The following PARP1 variants were observed in gnomAD, a reference collection of about 807,000 sequenced individuals.
The protein encoded by PARP1 is poly [ADP-ribose] polymerase 1.
PARP1 carries 44 observed loss-of-function variants against 118.7 expected under a neutral mutation model. The observed-to-expected ratio is 0.37, with a 90% confidence interval of 0.29 to 0.48. The LOEUF is 0.48. PARP1 is among the 20% of genes least tolerant of loss of function. PARP1 has a pLI of 0.99. For synonymous variants in PARP1, 492 were observed against 483.2 expected, an observed-to-expected ratio of 1.02 and a Z score of -0.24; for missense variants, 1,100 against 1,272.4, an observed-to-expected ratio of 0.86 and a Z score of 2.06.
chr1:226,395,628 G>A (rs550161118), intron 2 of PARP1, among the ~76,000 whole-genome samples: 1 of 152,268 alleles, frequency 6.6e-6, no homozygotes, highest in East Asian at 1.9e-4. Flanking sequence ...CTGGGCAAGA[G>A]TGAGACTCTG....
chr1:226,393,635 T>A (rs577817023), intron 2 of PARP1, among the ~76,000 whole-genome samples: 10 of 152,342 alleles, frequency 6.6e-5, no homozygotes, highest in African/African-American at 2.4e-4. Flanking sequence ...CTTTTCTTCC[T>A]GAAATTCTAA....
At chr1:226,376,373 C>T (rs76280513) in intron 13 of PARP1, among the ~76,000 whole-genome samples, 1,771 of 152,210 alleles carry the variant, frequency 0.012, 20 homozygotes, top group Non-Finnish European at 0.016. Flanking sequence ...TGTAAGGAGA[C>T]GCCCAAAACT....
Position 226,365,997 on chromosome 1 carries a change from G to C in PARP1, c.2462C>G (p.Thr821Ser). 1 of 1,613,438 alleles carries C rather than the reference G, an allele frequency of 6.2e-7. No homozygotes were observed. The highest frequency in any genetic ancestry group is 1.1e-5 in the South Asian group (1 of 91,072). Residue 821 changes from threonine (T) to serine (S), a missense_variant, in exon 18 of 23, where the codon ACT (threonine) becomes AGT (serine). Coordinates refer to ENST00000366794, the MANE Select transcript of PARP1 (RefSeq NM_001618.4). ...ATACGCATTGTGTGTGGTTGCATGA[G>C]TGTTCTTAACATACTTCCTGATGAT... The part of the protein sequence containing the change: ...AEIIRKYVKN[T>S]HATTHNAYDL...
Position 226,407,887 on chromosome 1 carries a change from T to C in PARP1, c.43A>G (p.Lys15Glu). ...SDKLYRVEYAKSGRASCKKCS... is the reference protein window; with the variant it reads ...SDKLYRVEYAESGRASCKKCS... Reference sequence around the variant, plus strand: ...TTCTTGCAAGAGGCGCGCCCGCTCTTGGCGTACTCGACTCGATAGAGCTTA... The same window carrying C: ...TTCTTGCAAGAGGCGCGCCCGCTCTCGGCGTACTCGACTCGATAGAGCTTA... The change falls in exon 1 of 23, where the codon AAG becomes GAG. Residue 15 changes from lysine (K) to glutamate (E), a missense_variant. Physicochemically the swap from Lys to Glu is moderately conservative, Grantham distance 56 (BLOSUM62 1). This residue lies in a region of PARP1 where 948 missense variants were observed against 1,031.8 expected (regional missense o/e 0.92). Coordinates refer to ENST00000366794, the MANE Select transcript of PARP1 (RefSeq NM_001618.4). 1 of 1,611,980 alleles carries C rather than the reference T, an allele frequency of 6.2e-7. No individual in the cohort carries two copies. Among genetic ancestry groups the C allele is most frequent in the South Asian group, 1.1e-5 (1 of 90,940 alleles).
chr1:226,368,084 G>A, intron 16 of PARP1, 115 bp downstream of exon 16: 1 of 1,411,146 alleles, frequency 7.1e-7, no homozygotes, highest in East Asian at 2.3e-5. Flanking sequence ...AGGGCAAGAG[G>A]GTGGCCCTCC....
intron 13 of PARP1, among the ~76,000 whole-genome samples, chr1:226,376,337 A>G (rs1664486901): frequency 6.6e-6 from 1 of 152,270 alleles, no homozygotes; most frequent in Admixed American, 6.5e-5. Context: ...CAACCAATAG[A>G]CAAATGAATG....
At chr1:226,368,053 T>G (rs1664305868) in intron 16 of PARP1, 146 bp downstream of exon 16, 1 of 1,129,692 alleles carries the variant, frequency 8.9e-7, no homozygotes, top group Non-Finnish European at 1.3e-6. Flanking sequence ...TCAATGTGGG[T>G]AGAAACCCAA....
In PARP1 at chr1:226,379,986, C is replaced by T. The variant is rs1321759787; in HGVS notation, c.1479G>A (p.Val493=). The T allele has an allele frequency of 1.1e-5, 18 of 1,614,202 alleles. No homozygotes were observed. Among genetic ancestry groups the T allele is most frequent in the Non-Finnish European group, 1.5e-5 (18 of 1,180,032 alleles). ...AEVKAEPVEV[V]APRGKSGAAL... ...CAGCCCCTGACTTCCCTCTTGGGGC[C>T]ACAACTTCAACAGGCTCTGCCTTCA... Residue 493 remains valine, a synonymous_variant, in exon 10 of 23, where the codon GTG becomes GTA. Coordinates refer to ENST00000366794, the MANE Select transcript of PARP1 (RefSeq NM_001618.4).
chr1:226,406,708 A>G (rs1665155035), intron 1 of PARP1, among the ~76,000 whole-genome samples: 1 of 152,194 alleles, frequency 6.6e-6, no homozygotes, highest in Non-Finnish European at 1.5e-5. Context: ...ATGCCTACCA[A>G]ATAAGCACTG....
At chr1:226,374,141 A>T in intron 14 of PARP1, 85 bp downstream of exon 14, 2 of 1,500,170 alleles carry the variant, frequency 1.3e-6, no homozygotes, top group Non-Finnish European at 1.9e-6. Flanking sequence ...AAACAGAAAC[A>T]AGAACAGGCA....
chr1:226,394,673 G>A (rs942237624), intron 2 of PARP1, among the ~76,000 whole-genome samples: 1 of 152,152 alleles, frequency 6.6e-6, no homozygotes, highest in African/African-American at 2.4e-5. Context: ...CAGCTGCTCA[G>A]CAGACTGGAG....
chr1:226,384,953 C>T (rs989466175), intron 7 of PARP1, among the ~76,000 whole-genome samples: 28 of 152,168 alleles, frequency 1.8e-4, no homozygotes, highest in Admixed American at 1.8e-3. Context: ...GCAAAGGCCT[C>T]GGAGCAGCCA....
chr1:226,370,463 C>A lies in PARP1; in HGVS notation c.2125G>T (p.Ala709Ser), dbSNP rs758506201. 2.7e-5 allele frequency: 44 copies of A among 1,613,734 alleles called. No homozygotes were observed. The highest frequency in any genetic ancestry group is 3.5e-5 in the Non-Finnish European group (41 of 1,179,802). Reference protein sequence around the residue: ...GKLSKRQIQAAYSILSEVQQA... With the variant: ...GKLSKRQIQASYSILSEVQQA... ...TGGACCTCACTGAGGATGGAGTATG[C>A]GGCCTGGATCTGCCTTTTGCTCAGC... The change falls in exon 15 of 23, where the codon GCA becomes TCA. Residue 709 changes from alanine to serine, a missense_variant. This residue lies in a region of PARP1 where 948 missense variants were observed against 1,031.8 expected (regional missense o/e 0.92). Transcript: ENST00000366794.
intron 15 of PARP1, among the ~76,000 whole-genome samples, chr1:226,369,226 C>T (rs1195751389): frequency 6.6e-6 from 1 of 152,234 alleles, no homozygotes; most frequent in Admixed American, 6.5e-5. Flanking sequence ...CTGAAGTTGA[C>T]AGATCCGGTT....
At chr1:226,407,734 C>G in intron 1 of PARP1, 76 bp downstream of exon 1, 6 of 1,304,200 alleles carry the variant, frequency 4.6e-6, no homozygotes, top group Admixed American at 2.2e-5. Context: ...CTGGGCCCGC[C>G]CTCCCCCAGC....
In PARP1 at chr1:226,407,935, C is replaced by G. The variant is rs11541662; in HGVS notation, c.-6G>C. 34 of 1,612,318 alleles carry G rather than the reference C, an allele frequency of 2.1e-5. No individual in the cohort carries two copies. Among genetic ancestry groups the G allele is most frequent in the Non-Finnish European group, 2.8e-5 (33 of 1,179,102 alleles). ...TTATCCGAAGACTCCGCCATCCTCC[C>G]CTAGCTGCCGCCAAAGCTCCGGAAG... On this transcript the variant is annotated 5_prime_UTR_variant, in exon 1 of 23. Transcript: ENST00000366794.
At chr1:226,366,104 A>G in intron 17 of PARP1, 52 bp from the exon 18 acceptor site, 1 of 1,244,670 alleles carries the variant, frequency 8.0e-7, no homozygotes, top group East Asian at 2.3e-5. Flanking sequence ...GGAGAGCTAC[A>G]GAGGAGGAAT....
At chr1:226,374,480 G>T in intron 13 of PARP1, 126 bp from the exon 14 acceptor site, 1 of 1,101,218 alleles carries the variant, frequency 9.1e-7, no homozygotes, top group Non-Finnish European at 1.4e-6. Flanking sequence ...AAAGCTGAGT[G>T]TTAATCAAAA....
chr1:226,394,504 G>C (rs1000151354), intron 2 of PARP1, among the ~76,000 whole-genome samples: 1 of 152,214 alleles, frequency 6.6e-6, no homozygotes, highest in Non-Finnish European at 1.5e-5. Flanking sequence ...TCATCTCTTT[G>C]AACAGTAACT....
Sources: allele counts gnomAD v4.1 joint callset (sites outside exome capture counted in the v4.1 genomes callset), GRCh38; gene constraint gnomAD v4.1.1; regional missense constraint gnomAD v4.1.1; transcripts MANE v1.5; gene names NCBI Gene and HGNC (gene_info 2026-07-23, HGNC 2026-07-21).